PDE7B: variants seen among roughly 807,000 people sequenced by gnomAD.
The protein encoded by PDE7B is 3',5'-cyclic-AMP phosphodiesterase 7B.
Under a neutral mutation model 56.2 loss-of-function variants are expected in PDE7B, and 29 were observed. The ratio of observed to expected loss-of-function variants is 0.52; its 90% CI spans 0.38 to 0.70. PDE7B has a LOEUF of 0.70. Among genes scored for constraint, PDE7B ranks in the 30% least tolerant of loss-of-function variants. The probability of loss-of-function intolerance (pLI) is 0.00; values close to 1 mark genes in which losing one functional copy is unlikely to be tolerated. For missense variants in PDE7B, 490 were observed against 565.0 expected, an observed-to-expected ratio of 0.87 and a Z score of 1.35; for synonymous variants, 197 against 196.9, an observed-to-expected ratio of 1.00 and a Z score of 0.00.
At chr6:136,123,340 A>G (rs1008265705) in intron 3 of PDE7B, among the ~76,000 whole-genome samples, 1 of 152,128 alleles carries the variant, frequency 6.6e-6, no homozygotes, top group Non-Finnish European at 1.5e-5. Context: ...AAGACCTCTT[A>G]TTTTCTCTAT....
chr6:136,167,880 T>C lies in PDE7B; in HGVS notation c.712-5917T>C, dbSNP rs1428932843. ...ACCTAGCTTATAATGTAGTAAAAGA[T>C]AAAGAACTCTAATAGACATCAATGG... On this transcript the variant is annotated intron_variant, in intron 8 of 12. Transcript: ENST00000308191. Among the ~76,000 whole-genome samples the C allele has an allele frequency of 2.0e-5, 3 of 152,272 alleles. No homozygotes were observed. In the East Asian group the frequency reaches 5.8e-4, roughly 29 times the overall value.
chr6:136,006,530 C>T (rs750622106), intron 2 of PDE7B, among the ~76,000 whole-genome samples: 5 of 152,016 alleles, frequency 3.3e-5, no homozygotes, highest in Non-Finnish European at 4.4e-5. Context: ...GATATTGATT[C>T]TTCCTATCCA....
chr6:135,910,962 T>G (rs1257398626), intron 1 of PDE7B, among the ~76,000 whole-genome samples: 2 of 152,196 alleles, frequency 1.3e-5, no homozygotes, highest in African/African-American at 4.8e-5. Flanking sequence ...CTCAGAAGCA[T>G]GACTAAGAAG....
chr6:136,086,948 G>A (rs769346088), intron 2 of PDE7B, among the ~76,000 whole-genome samples: 6 of 152,282 alleles, frequency 3.9e-5, no homozygotes, highest in South Asian at 2.1e-4. Flanking sequence ...GGCATCGTGC[G>A]CCAGATTCTG....
rs559427541 is a variant in PDE7B at position 136,129,723 on chromosome 6, T to C, written c.167-17628T>C. 1.2e-4 allele frequency among the ~76,000 whole-genome samples: 18 copies of C among 152,330 alleles called. 1 individual carries two copies. The South Asian group carries it at 3.3e-3, about 28-fold the overall frequency. ...GGTGAGCTGTTGAGACAATCGAGGATAGTTCTTCTCTTTGGCCATTCTAAA... is the reference window on the plus strand; with the variant it reads ...GGTGAGCTGTTGAGACAATCGAGGACAGTTCTTCTCTTTGGCCATTCTAAA... On this transcript the variant is annotated intron_variant, in intron 3 of 12. Transcript: ENST00000308191.
intron 2 of PDE7B, among the ~76,000 whole-genome samples, chr6:136,106,551 A>G (rs1777647842): frequency 6.6e-6 from 1 of 152,222 alleles, no homozygotes; most frequent in African/African-American, 2.4e-5. Context: ...TATTTACTAT[A>G]TCAGGACTTT....
At chr6:136,165,097 C>G (rs1007325988) in intron 8 of PDE7B, among the ~76,000 whole-genome samples, 1 of 152,146 alleles carries the variant, frequency 6.6e-6, no homozygotes, top group Admixed American at 6.5e-5. Flanking sequence ...AATGAGCAGA[C>G]CACTGACATG....
At chr6:135,995,387 T>G (rs1775546607) in intron 2 of PDE7B, among the ~76,000 whole-genome samples, 1 of 152,172 alleles carries the variant, frequency 6.6e-6, no homozygotes, top group African/African-American at 2.4e-5. Context: ...AAAAATATAT[T>G]TTTTAAAGGT....
In PDE7B at chr6:136,173,864, T is replaced by C; in HGVS notation, c.779T>C (p.Leu260Pro). Residue 260 changes from leucine (L) to proline (P), a missense_variant, in exon 9 of 13, where the codon CTT becomes CCT. Transcript: ENST00000308191. ...TIGMLRESRLLAHLPKEMTQD... is the reference protein window; with the variant it reads ...TIGMLRESRLPAHLPKEMTQD... ...GGCATGCTTCGAGAATCAAGGCTTCTTGCTCATTTGCCAAAGGAAATGACG... is the reference window on the plus strand; with the variant it reads ...GGCATGCTTCGAGAATCAAGGCTTCCTGCTCATTTGCCAAAGGAAATGACG... The C allele has an allele frequency of 1.2e-6, 2 of 1,612,234 alleles. No homozygotes were observed. Among genetic ancestry groups the C allele is most frequent in the Non-Finnish European group, 1.7e-6 (2 of 1,178,410 alleles).
At chr6:136,131,000 A>G (rs531207851) in intron 3 of PDE7B, among the ~76,000 whole-genome samples, 2 of 152,280 alleles carry the variant, frequency 1.3e-5, no homozygotes, top group East Asian at 1.9e-4. Context: ...TGTGGGAATT[A>G]TGGGAGCTAC....
chr6:135,857,328 G>T (rs1775054768), intron 1 of PDE7B, among the ~76,000 whole-genome samples: 1 of 151,992 alleles, frequency 6.6e-6, no homozygotes, highest in South Asian at 2.1e-4. Flanking sequence ...TAAATAGGAA[G>T]TATATAAAAT....
At chr6:136,139,781 T>C (rs1336026432) in intron 3 of PDE7B, among the ~76,000 whole-genome samples, 2 of 152,228 alleles carry the variant, frequency 1.3e-5, no homozygotes, top group Non-Finnish European at 2.9e-5. Context: ...TTGAGAAGTG[T>C]CTGTTCATAT....
At chr6:136,010,996 G>A (rs1419769256) in intron 2 of PDE7B, among the ~76,000 whole-genome samples, 1 of 152,100 alleles carries the variant, frequency 6.6e-6, no homozygotes, top group Admixed American at 6.5e-5. Context: ...GTCAACTGTT[G>A]ACATTACCAA....
intron 1 of PDE7B, among the ~76,000 whole-genome samples, chr6:135,935,186 T>TTTTATATATATATATATATATATA (rs1404954510): frequency 7.8e-5 from 3 of 38,444 alleles, no homozygotes; most frequent in Non-Finnish European, 8.5e-5. Context: ...ATATATATAT[T>TTTTATATATATATATATATATATA]TATTTATATA....
At chr6:135,863,011 G>A (rs141328130) in intron 1 of PDE7B, among the ~76,000 whole-genome samples, 3,048 of 151,926 alleles carry the variant, frequency 0.02, 29 homozygotes, top group African/African-American at 0.034. Flanking sequence ...TAATTCTACT[G>A]TGCTTACAAG....
chr6:135,887,067 G>A (rs745836731), intron 1 of PDE7B, among the ~76,000 whole-genome samples: 2 of 152,134 alleles, frequency 1.3e-5, no homozygotes, highest in Non-Finnish European at 2.9e-5. Flanking sequence ...TCTTGCAGGA[G>A]TAAGGTGGTA....
chr6:135,979,205 C>G (rs1775249599), intron 2 of PDE7B, among the ~76,000 whole-genome samples: 1 of 151,686 alleles, frequency 6.6e-6, no homozygotes, highest in South Asian at 2.1e-4. Context: ...ATTGAACCAG[C>G]CTTGCATCCC....
At chr6:135,876,745 C>T (rs1028215062) in intron 1 of PDE7B, among the ~76,000 whole-genome samples, 23 of 151,916 alleles carry the variant, frequency 1.5e-4, no homozygotes, top group Admixed American at 1.4e-3. Flanking sequence ...TGTAATCCCA[C>T]CTACTCAGGA....
chr6:136,125,022 A>C (rs1259688149), intron 3 of PDE7B, among the ~76,000 whole-genome samples: 1 of 152,180 alleles, frequency 6.6e-6, no homozygotes, highest in South Asian at 2.1e-4. Context: ...TAAAAGGAGA[A>C]TTTGTCTTTT....
Sources: allele counts gnomAD v4.1 joint callset (sites outside exome capture counted in the v4.1 genomes callset), GRCh38; gene constraint gnomAD v4.1.1; transcripts MANE v1.5; gene names NCBI Gene and HGNC (gene_info 2026-07-23, HGNC 2026-07-21).